The following PLCB1 variants were observed in gnomAD, a reference collection of about 807,000 sequenced individuals.
PLCB1 encodes 1-phosphatidylinositol 4,5-bisphosphate phosphodiesterase beta-1.
A neutral mutation model predicts 161.8 loss-of-function variants in PLCB1; 46 were observed. The observed-to-expected ratio is 0.28, with a 90% CI of 0.22 to 0.36. The LOEUF (loss-of-function observed/expected upper bound fraction) is 0.36. Ranked by LOEUF, PLCB1 falls within the 10% of genes least tolerant of loss-of-function variation. PLCB1 has a pLI of 1.00. For missense variants in PLCB1, 1,016 were observed against 1,472.5 expected (o/e 0.69, Z 5.07); for synonymous variants, 517 against 503.7 (o/e 1.03, Z -0.35).
chr20:8,321,485 G>C (rs753435550), intron 2 of PLCB1, among the ~76,000 whole-genome samples: 21 of 151,906 alleles, frequency 1.4e-4, no homozygotes, highest in Non-Finnish European at 2.9e-4. Flanking sequence ...CATTCTTCCT[G>C]CCCTGGCAAT....
intron 2 of PLCB1, among the ~76,000 whole-genome samples, chr20:8,366,328 A>G (rs1000541347): frequency 6.6e-6 from 1 of 151,904 alleles, no homozygotes; most frequent in Non-Finnish European, 1.5e-5. Flanking sequence ...TCATGTATTC[A>G]GTCAATAACT....
intron 3 of PLCB1, among the ~76,000 whole-genome samples, chr20:8,426,417 G>A (rs1282993575): frequency 6.6e-6 from 1 of 152,188 alleles, no homozygotes; most frequent in Non-Finnish European, 1.5e-5. Flanking sequence ...GGATACACAC[G>A]TGCGTGCACC....
intron 9 of PLCB1, among the ~76,000 whole-genome samples, chr20:8,662,389 A>ATTGT (rs1989693253): frequency 7.7e-6 from 1 of 130,258 alleles, no homozygotes; most frequent in Non-Finnish European, 1.5e-5. Context: ...ATAATATATA[A>ATTGT]TTATTTATTA....
At chr20:8,468,578 GTTTTAGTATAA>G (rs1439873083) in intron 3 of PLCB1, among the ~76,000 whole-genome samples, 1 of 152,210 alleles carries the variant, frequency 6.6e-6, no homozygotes, top group African/African-American at 2.4e-5. Context: ...ATACATGCAA[GTTTTAGTATAA>G]TATCGTCCTG....
At chr20:8,788,417 T>G (rs764748214) in intron 27 of PLCB1, 32 bp from the exon 28 acceptor site, 2 of 1,600,084 alleles carry the variant, frequency 1.2e-6, no homozygotes, top group Non-Finnish European at 1.7e-6. Flanking sequence ...TGCAATCATT[T>G]GAAATAGCAA....
chr20:8,506,487 T>C (rs917601029), intron 3 of PLCB1, among the ~76,000 whole-genome samples: 1 of 152,196 alleles, frequency 6.6e-6, no homozygotes, highest in Non-Finnish European at 1.5e-5. Flanking sequence ...CCATAGATAT[T>C]GAACTTGAAA....
chr20:8,457,607 C>A (rs1287462602), intron 3 of PLCB1, among the ~76,000 whole-genome samples: 4 of 151,984 alleles, frequency 2.6e-5, no homozygotes, highest in Non-Finnish European at 4.4e-5. Flanking sequence ...TTTATTATTG[C>A]CCATTACTAG....
At chr20:8,730,642 T>C (rs1482971300) in intron 18 of PLCB1, among the ~76,000 whole-genome samples, 1 of 151,582 alleles carries the variant, frequency 6.6e-6, no homozygotes, top group Non-Finnish European at 1.5e-5. Context: ...AAAAAAAAAC[T>C]ATTTTTAAAA....
At chr20:8,522,195 ATG>A (rs1427552798) in intron 3 of PLCB1, among the ~76,000 whole-genome samples, 2 of 152,170 alleles carry the variant, frequency 1.3e-5, no homozygotes, top group African/African-American at 2.4e-5. Context: ...CAGAGATGCA[ATG>A]TAGGATCTGG....
intron 5 of PLCB1, among the ~76,000 whole-genome samples, chr20:8,647,074 C>CT (rs1027140942): frequency 8.5e-5 from 13 of 152,144 alleles, no homozygotes; most frequent in Admixed American, 5.2e-4. Flanking sequence ...CATTTAAGGG[C>CT]TTTTTTATGG....
At chr20:8,857,534 G>C (rs1157872742) in intron 31 of PLCB1, among the ~76,000 whole-genome samples, 1 of 152,132 alleles carries the variant, frequency 6.6e-6, no homozygotes, top group East Asian at 1.9e-4. Flanking sequence ...ATATCTCCTA[G>C]TATGCAAACT....
At chr20:8,873,966 G>C (rs1987692212) in intron 31 of PLCB1, among the ~76,000 whole-genome samples, 1 of 151,910 alleles carries the variant, frequency 6.6e-6, no homozygotes, top group Non-Finnish European at 1.5e-5. Flanking sequence ...AAGGCTAGGA[G>C]ATATATTTTT....
rs1980616905 is a variant in PLCB1 at position 8,736,967 on chromosome 20, A to T, written c.2044-61A>T. 3 of 1,292,736 alleles carry T rather than the reference A, an allele frequency of 2.3e-6. No individual in the cohort carries two copies. In the East Asian group the frequency reaches 7.0e-5, roughly 30 times the overall value. 80.1% of individuals were successfully genotyped at this position (1,292,736 alleles called of 1,614,324 possible). A position where few individuals can be genotyped will look rare whatever the true frequency, so the allele number is the denominator to read the frequency against. ...TTGTGGCTCTTTAAAGTATTCTCTT[A>T]TGTCTTTGTTATTTGCATATCAAAA... is the stretch of plus-strand genomic sequence containing the variant. On this transcript the variant is annotated intron_variant, in intron 19 of 31. Transcript: ENST00000338037.
intron 2 of PLCB1, among the ~76,000 whole-genome samples, chr20:8,172,261 AG>A (rs1360384966): frequency 1.3e-4 from 20 of 152,128 alleles, no homozygotes; most frequent in Non-Finnish European, 2.5e-4. Flanking sequence ...TCAGGGAGGG[AG>A]TAGTGGTAAC....
At chr20:8,478,419 C>T (rs1191519836) in intron 3 of PLCB1, among the ~76,000 whole-genome samples, 1 of 151,902 alleles carries the variant, frequency 6.6e-6, no homozygotes, top group Non-Finnish European at 1.5e-5. Flanking sequence ...TTAGGCTTCA[C>T]AGAGCCAACA....
chr20:8,500,120 G>A (rs958207167), intron 3 of PLCB1, among the ~76,000 whole-genome samples: 43 of 152,280 alleles, frequency 2.8e-4, no homozygotes, highest in African/African-American at 7.9e-4. Flanking sequence ...CAGTATTTTA[G>A]TGATTTGTTT....
chr20:8,615,363 AC>A (rs1348408819), intron 3 of PLCB1, among the ~76,000 whole-genome samples: 2 of 152,306 alleles, frequency 1.3e-5, no homozygotes, highest in African/African-American at 4.8e-5. Flanking sequence ...CTAATACATC[AC>A]GCTTTGGAGA....
intron 3 of PLCB1, among the ~76,000 whole-genome samples, chr20:8,507,172 T>G (rs1230679917): frequency 1.3e-5 from 2 of 152,148 alleles, no homozygotes; most frequent in Non-Finnish European, 2.9e-5. Flanking sequence ...AAGTGGATCA[T>G]CATAAAGGTC....
At chr20:8,748,763 T>TTA (rs1981300066) in intron 23 of PLCB1, among the ~76,000 whole-genome samples, 1 of 151,952 alleles carries the variant, frequency 6.6e-6, no homozygotes, top group African/African-American at 2.4e-5. Flanking sequence ...AGGACTATAA[T>TTA]TAACAATCAT....
Sources: allele counts gnomAD v4.1 joint callset (sites outside exome capture counted in the v4.1 genomes callset), GRCh38; gene constraint gnomAD v4.1.1; transcripts MANE v1.5; gene names NCBI Gene and HGNC (gene_info 2026-07-23, HGNC 2026-07-21).